The following ROBO2 variants were observed in gnomAD, a reference collection of about 807,000 sequenced individuals.
The protein encoded by ROBO2 is roundabout guidance receptor 2.
Under a neutral mutation model 160.8 loss-of-function variants are expected in ROBO2, and 53 were observed. The observed-to-expected ratio is 0.33, with a 90% confidence interval of 0.26 to 0.41. The LOEUF (loss-of-function observed/expected upper bound fraction) is 0.41. Ranked by LOEUF, ROBO2 falls within the 10% of genes least tolerant of loss-of-function variation. The probability of loss-of-function intolerance (pLI) is 1.00; values close to 1 mark genes in which losing one functional copy is unlikely to be tolerated. For missense variants in ROBO2, 1,577 were observed against 1,722.4 expected, an observed-to-expected ratio of 0.92 and a Z score of 1.49; for synonymous variants, 664 against 611.7, an observed-to-expected ratio of 1.09 and a Z score of -1.26.
chr3:77,509,098 A>G (rs1168486227), intron 5 of ROBO2, among the ~76,000 whole-genome samples: 4 of 152,112 alleles, frequency 2.6e-5, no homozygotes, highest in Non-Finnish European at 4.4e-5. Flanking sequence ...AAAGAACATC[A>G]ATTTTAGAAA....
At position 77,481,096 on chromosome 3, in the gene ROBO2, C is replaced by T. The variant is rs113680429; in HGVS notation, c.547-3C>T. 35,512 of 1,610,044 alleles carry T rather than the reference C, an allele frequency of 0.022. 453 individuals are homozygous for T. The highest frequency in any genetic ancestry group is 0.029 in the Middle Eastern group (163 of 5,542). ...CTCTTTTCTTTTTGTTTGATTTTAA[C>T]AGATCCGTGGTGGAAAACTGATGAT... On this transcript the variant is annotated splice_region_variant and splice_polypyrimidine_tract_variant and intron_variant, in intron 3 of 25. Transcript: ENST00000461745.
chr3:77,452,485 T>A (rs769077530), intron 2 of ROBO2, among the ~76,000 whole-genome samples: 2 of 152,192 alleles, frequency 1.3e-5, no homozygotes, highest in African/African-American at 4.8e-5. Context: ...CAGACACTCA[T>A]TCCAATCCCC....
intron 2 of ROBO2, among the ~76,000 whole-genome samples, chr3:77,103,268 A>G (rs964413892): frequency 2.6e-5 from 4 of 152,168 alleles, no homozygotes; most frequent in Middle Eastern, 3.2e-3. Flanking sequence ...TGAAAAATTG[A>G]TGAAGTCCCC....
At chr3:77,481,260 A>T in intron 4 of ROBO2, 41 bp downstream of exon 4, 2 of 1,462,780 alleles carry the variant, frequency 1.4e-6, no homozygotes, top group Non-Finnish European at 1.8e-6. Context: ...ATTTTTATCA[A>T]TTTTTCTTTG....
At chr3:76,105,304 A>G (rs1418568084) in intron 2 of ROBO2, among the ~76,000 whole-genome samples, 1 of 152,140 alleles carries the variant, frequency 6.6e-6, no homozygotes, top group African/African-American at 2.4e-5. Flanking sequence ...AGAATTGCAC[A>G]CCTTCTATAA....
At chr3:76,042,398 T>C (rs766145295) in intron 2 of ROBO2, among the ~76,000 whole-genome samples, 1 of 152,018 alleles carries the variant, frequency 6.6e-6, no homozygotes, top group Non-Finnish European at 1.5e-5. Context: ...TGTGCTATCA[T>C]TGAAAATGTA....
chr3:77,038,905 T>C (rs936661852), upstream of ROBO2, among the ~76,000 whole-genome samples: 7 of 152,182 alleles, frequency 4.6e-5, no homozygotes, highest in African/African-American at 1.7e-4. Flanking sequence ...CCAGAGCCTA[T>C]GTTTACCGAA....
At chr3:77,200,268 TA>T (rs1225799942) in intron 2 of ROBO2, among the ~76,000 whole-genome samples, 160 of 4,330 alleles carry the variant, frequency 0.037, 5 homozygotes, top group African/African-American at 0.15. Flanking sequence ...TAACATATTT[TA>T]TATATATATA....
intron 2 of ROBO2, among the ~76,000 whole-genome samples, chr3:76,074,862 C>T (rs915768909): frequency 6.6e-6 from 1 of 151,876 alleles, no homozygotes; most frequent in African/African-American, 2.4e-5. Context: ...GGTAAAGTAA[C>T]GTGTCAGATT....
chr3:77,596,773 G>A (rs369722547), intron 19 of ROBO2, 23 bp downstream of exon 20: 52 of 1,605,382 alleles, frequency 3.2e-5, no homozygotes, highest in Non-Finnish European at 4.2e-5. Context: ...TTTTAAAATA[G>A]TGTTATTTGA....
Position 75,989,126 on chromosome 3 carries a change from T to C in ROBO2, c.109+51524T>C, listed in dbSNP as rs562989593. ...TTTATTTTGTTGTTGTTGTTTTGTT[T>C]GTTTGTTTTTGAGATGGAGTCTTGC... On this transcript the variant is annotated intron_variant, in intron 2 of 26. Coordinates refer to the ROBO2 transcript ENST00000487694. 8.5e-5 allele frequency among the ~76,000 whole-genome samples: 13 copies of C among 152,256 alleles called. No individual in the cohort carries two copies. The South Asian group carries it at 2.7e-3, about 32-fold the overall frequency.
At position 76,864,598 on chromosome 3, in the gene ROBO2, C is replaced by T. The variant is rs550669296; in HGVS notation, c.110-233416C>T. On this transcript the variant is annotated intron_variant, in intron 2 of 26. Transcript: ENST00000487694. The stretch of plus-strand genomic sequence containing the variant: ...TGACATTCATCAAAAATTCTGTCAC[C>T]GTATGTCTGTAGGTACATAAAGGTC... Among the ~76,000 whole-genome samples, 12 of 151,994 alleles carry T rather than the reference C, an allele frequency of 7.9e-5. 1 individual carries two copies. The East Asian group carries it at 1.9e-3, about 24-fold the overall frequency.
At chr3:77,580,266 GT>G (rs1212957677) in intron 16 of ROBO2, 148 bp downstream of exon 17, 2 of 781,506 alleles carry the variant, frequency 2.6e-6, no homozygotes, top group Non-Finnish European at 4.4e-6. Flanking sequence ...ACTGACTAGA[GT>G]TTTTTACAAA....
At chr3:76,380,084 T>C (rs2076542922) in intron 2 of ROBO2, among the ~76,000 whole-genome samples, 1 of 152,120 alleles carries the variant, frequency 6.6e-6, no homozygotes, top group Non-Finnish European at 1.5e-5. Flanking sequence ...CATATCTAGG[T>C]GGGCAATACA....
intron 2 of ROBO2, among the ~76,000 whole-genome samples, chr3:77,135,319 A>C (rs2076191326): frequency 1.3e-5 from 2 of 152,214 alleles, no homozygotes; most frequent in South Asian, 4.1e-4. Flanking sequence ...TCCTAAAGTT[A>C]TTTGGAGTCT....
chr3:76,578,801 T>C (rs1354678922), intron 2 of ROBO2, among the ~76,000 whole-genome samples: 2 of 152,176 alleles, frequency 1.3e-5, no homozygotes, highest in African/African-American at 2.4e-5. Context: ...CCACGGCATC[T>C]GTAACTGGAC....
chr3:76,444,114 C>T (rs541533893), intron 2 of ROBO2, among the ~76,000 whole-genome samples: 22 of 151,962 alleles, frequency 1.4e-4, no homozygotes, highest in Non-Finnish European at 2.1e-4. Context: ...TATAGGCATG[C>T]GCCACCACGC....
intron 1 of ROBO2, among the ~76,000 whole-genome samples, chr3:77,082,079 G>A (rs547099165): frequency 6.6e-6 from 1 of 152,072 alleles, no homozygotes; most frequent in Non-Finnish European, 1.5e-5. Flanking sequence ...ATATAACTTG[G>A]TCATAATAAG....
Position 77,577,627 on chromosome 3 carries a change from TGAA to T in ROBO2, c.2328+18_2328+20del, listed in dbSNP as rs748610623. On this transcript the variant is annotated intron_variant, in intron 15 of 25. Coordinates refer to ENST00000461745, the Ensembl canonical transcript of ROBO2. Reference sequence around the variant, plus strand: ...CCAAGAATACAAGGTAGGACCCGGGTGAAGAAGGACAGCTCTCATGTAAAGGTT... The same window carrying T: ...CCAAGAATACAAGGTAGGACCCGGGTGAAGGACAGCTCTCATGTAAAGGTT... The T allele has an allele frequency of 1.6e-5, 26 of 1,612,860 alleles. No individual in the cohort carries two copies. In the African/African-American group the frequency reaches 2.9e-4, roughly 18 times the overall value.
Sources: gnomAD v4.1 joint callset for allele counts (sites outside exome capture counted in the v4.1 genomes callset) on GRCh38, gnomAD v4.1.1 for gene constraint, MANE v1.5 for transcripts, NCBI Gene and HGNC (gene_info 2026-07-23, HGNC 2026-07-21) for gene names.